Variants in DCUN1D5 observed in about 807,000 individuals in gnomAD.
DCUN1D5 encodes the protein DCN1-like protein 5.
Under a neutral mutation model 38.3 loss-of-function variants are expected in DCUN1D5, and 10 were observed. The observed-to-expected ratio is 0.26, with a 90% CI of 0.16 to 0.44. DCUN1D5 has a LOEUF of 0.44. Ranked by LOEUF, DCUN1D5 falls within the 20% of genes least tolerant of loss-of-function variation. The probability of loss-of-function intolerance (pLI) is 1.00; values close to 1 mark genes in which losing one functional copy is unlikely to be tolerated. For synonymous variants in DCUN1D5, 93 were observed against 90.9 expected, an observed-to-expected ratio of 1.02 and a Z score of -0.13; for missense variants, 148 against 275.3, an observed-to-expected ratio of 0.54 and a Z score of 3.27.
chr11:103,076,727 A>G (rs1862415807), intron 4 of DCUN1D5, among the ~76,000 whole-genome samples: 1 of 152,222 alleles, frequency 6.6e-6, no homozygotes, highest in South Asian at 2.1e-4. Context: ...GACAACCATA[A>G]AGATTAAATG....
chr11:103,091,945 G>C lies in DCUN1D5; in HGVS notation c.-73C>G. ...CCCTGTCCGCTGGAAGCCCCTCAGC[G>C]CTGGCACCCAGTTCCCAGAGACAGC... On this transcript the variant is annotated 5_prime_UTR_variant, in exon 1 of 8. Coordinates refer to ENST00000260247, the MANE Select transcript of DCUN1D5 (RefSeq NM_032299.4). This position sits in a 1 kb window ranked among gnomAD's most constrained non-coding sequence, Gnocchi z 4.3. The C allele has an allele frequency of 3.5e-6, 5 of 1,409,554 alleles. No individual in the cohort carries two copies. The highest frequency in any genetic ancestry group is 4.8e-6 in the Non-Finnish European group (5 of 1,032,530). The allele number at this position is 1,409,554 out of a possible 1,614,324, so 87.3% of individuals were successfully genotyped here.
In DCUN1D5 at chr11:103,059,636, A is replaced by G. The variant is rs920257895; in HGVS notation, c.*2723T>C. 6.6e-6 allele frequency among the ~76,000 whole-genome samples: 1 copy of G among 152,158 alleles called. No individual in the cohort carries two copies. Among genetic ancestry groups the G allele is most frequent in the East Asian group, 1.9e-4 (1 of 5,184 alleles). On this transcript the variant is annotated 3_prime_UTR_variant, in exon 8 of 8. Transcript: ENST00000260247. Reference sequence around the variant, plus strand: ...CAATAGAAGACAAACATGGTAATGCAGTCAGGCCAGCACACAATACACCGT... The same window carrying G: ...CAATAGAAGACAAACATGGTAATGCGGTCAGGCCAGCACACAATACACCGT...
intron 4 of DCUN1D5, chr11:103,080,073 AAT>A (rs1375319813): frequency 1.3e-4 from 20 of 152,336 alleles, no homozygotes; most frequent in African/African-American, 4.8e-4. Context: ...ATAGATGACT[AAT>A]CATGATTATT....
chr11:103,089,345 T>C, intron 1 of DCUN1D5, 27 bp from the exon 2 acceptor site: 1 of 1,559,668 alleles, frequency 6.4e-7, no homozygotes, highest in East Asian at 2.3e-5. Flanking sequence ...ACGCCTAAGA[T>C]TTTTATCACA....
rs1862053838 is a variant in DCUN1D5, at chr11:103,063,134, G to A, written c.659-720C>T. On this transcript the variant is annotated intron_variant, in intron 7 of 7. Coordinates refer to ENST00000260247, the MANE Select transcript of DCUN1D5 (RefSeq NM_032299.4). The surrounding 1 kb of genome is among the most constrained non-coding windows in gnomAD (Gnocchi z 4.6). ...TCTCTATCGTAAGAAAAGCAGCAGAGCACATATGATAATAAATGGCAACTG... is the reference window on the plus strand; with the variant it reads ...TCTCTATCGTAAGAAAAGCAGCAGAACACATATGATAATAAATGGCAACTG... 6.6e-6 allele frequency among the ~76,000 whole-genome samples: 1 copy of A among 152,052 alleles called. No individual in the cohort carries two copies. Among genetic ancestry groups the A allele is most frequent in the Admixed American group, 6.6e-5 (1 of 15,266 alleles).
chr11:103,082,442 T>A (rs537358314), intron 4 of DCUN1D5, among the ~76,000 whole-genome samples: 1 of 152,150 alleles, frequency 6.6e-6, no homozygotes, highest in Admixed American at 6.5e-5. Context: ...GAGAGGAAAA[T>A]CCTTATACTC....
Position 103,054,289 on chromosome 11 carries a change from T to C in DCUN1D5, c.*8070A>G, listed in dbSNP as rs968614273. 6.6e-6 allele frequency: 1 copy of C among 152,154 alleles called. No homozygotes were observed. Among genetic ancestry groups the C allele is most frequent in the African/African-American group, 2.4e-5 (1 of 41,444 alleles). 9.4% of individuals were successfully genotyped at this position (152,154 alleles called of 1,614,324 possible). A position where few individuals can be genotyped will look rare whatever the true frequency, so the allele number is the denominator to read the frequency against. ...GGGAGCAAAGATAGAAGGTTAGAATTGTCTCCATAATCTTTAGACGTGTTA... is the reference window on the plus strand; with the variant it reads ...GGGAGCAAAGATAGAAGGTTAGAATCGTCTCCATAATCTTTAGACGTGTTA... On this transcript the variant is annotated 3_prime_UTR_variant, in exon 8 of 8. Transcript: ENST00000260247.
rs747106135 is a variant in DCUN1D5, at chr11:103,091,887, G to A, written c.-15C>T. 2 of 1,608,520 alleles carry A rather than the reference G, an allele frequency of 1.2e-6. No homozygotes were observed. Among genetic ancestry groups the A allele is most frequent in the Non-Finnish European group, 8.5e-7 (1 of 1,176,988 alleles). The stretch of plus-strand genomic sequence containing the variant: ...TTCACCGGCATCTTCCGCCCTCCCC[G>A]GCAGGGTGGGCAGGGGAGCCGGGGA... On this transcript the variant is annotated 5_prime_UTR_variant, in exon 1 of 8. Coordinates refer to ENST00000260247, the MANE Select transcript of DCUN1D5 (RefSeq NM_032299.4). The surrounding 1 kb of genome is among the most constrained non-coding windows in gnomAD (Gnocchi z 4.3).
At chr11:103,074,432 T>C (rs1383948192) in intron 4 of DCUN1D5, among the ~76,000 whole-genome samples, 1 of 152,156 alleles carries the variant, frequency 6.6e-6, no homozygotes, top group Non-Finnish European at 1.5e-5. Flanking sequence ...TGTTTTGAGA[T>C]TGAGTCTCGC....
At chr11:103,070,424 T>C (rs1409260645) in intron 4 of DCUN1D5, among the ~76,000 whole-genome samples, 2 of 152,084 alleles carry the variant, frequency 1.3e-5, no homozygotes, top group African/African-American at 4.8e-5. Flanking sequence ...GATATTAAAA[T>C]AGAGCAACTT....
In DCUN1D5 at chr11:103,089,318, G is replaced by A. The variant is rs1302725617; in HGVS notation, c.87C>T (p.Ser29=). Residue 29 remains serine, a splice_region_variant and synonymous_variant, in exon 2 of 8, where the codon AGC becomes AGT. Transcript: ENST00000260247. ...DGGLKKCKIS[S]YCRSQPPARL... is the part of the protein sequence containing the mutation. The stretch of plus-strand genomic sequence containing the variant: ...TAGCAGGGGGTTGGGATCTGCAATA[G>A]CTTAGAAAACACACAGACGCCTAAG... 6.2e-7 allele frequency: 1 copy of A among 1,600,388 alleles called. No homozygotes were observed. The highest frequency in any genetic ancestry group is 1.7e-5 in the Admixed American group (1 of 59,554).
At chr11:103,068,133 C>T (rs1334964900) in intron 4 of DCUN1D5, among the ~76,000 whole-genome samples, 2 of 152,060 alleles carry the variant, frequency 1.3e-5, no homozygotes, top group Non-Finnish European at 2.9e-5. Context: ...AAATTTATAA[C>T]ATTTTCTAAT....
At chr11:103,072,910 T>A (rs1862316744) in intron 4 of DCUN1D5, among the ~76,000 whole-genome samples, 1 of 151,882 alleles carries the variant, frequency 6.6e-6, no homozygotes, top group African/African-American at 2.4e-5. Flanking sequence ...AGTATAATAA[T>A]AAAAGAAATA....
chr11:103,080,379 TCTTC>T (rs1349536089), intron 4 of DCUN1D5, among the ~76,000 whole-genome samples: 1 of 152,240 alleles, frequency 6.6e-6, no homozygotes, highest in Non-Finnish European at 1.5e-5. Context: ...AGATTTTTTG[TCTTC>T]CTTGGTTTAA....
chr11:103,088,226 C>T (rs1219929424), intron 2 of DCUN1D5, among the ~76,000 whole-genome samples: 1 of 151,494 alleles, frequency 6.6e-6, no homozygotes, highest in Admixed American at 6.6e-5. Flanking sequence ...TGTGGATGAG[C>T]ACTAAATATA....
intron 1 of DCUN1D5, among the ~76,000 whole-genome samples, 160 bp from the exon 2 acceptor site, chr11:103,089,478 T>C (rs1862799027): frequency 6.6e-6 from 1 of 152,184 alleles, no homozygotes; most frequent in Admixed American, 6.5e-5. Flanking sequence ...TAATTGCAAC[T>C]TGAAACAGTA....
At chr11:103,075,371 A>C (rs1862382180) in intron 4 of DCUN1D5, among the ~76,000 whole-genome samples, 1 of 152,034 alleles carries the variant, frequency 6.6e-6, no homozygotes, top group Non-Finnish European at 1.5e-5. Flanking sequence ...GGCAAGTCCA[A>C]GTGTACTTTT....
At chr11:103,090,980 C>A (rs1862847890) in intron 1 of DCUN1D5, among the ~76,000 whole-genome samples, 1 of 152,110 alleles carries the variant, frequency 6.6e-6, no homozygotes, top group South Asian at 2.1e-4. Context: ...TTTTTTGTAG[C>A]ATAAATTTTG....
At chr11:103,074,329 C>T (rs1463080164) in intron 4 of DCUN1D5, among the ~76,000 whole-genome samples, 2 of 152,176 alleles carry the variant, frequency 1.3e-5, no homozygotes, top group Non-Finnish European at 2.9e-5. Context: ...CCTCTCTGCA[C>T]TAATCTCCTT....
Sources: gnomAD v4.1 joint callset for allele counts (sites outside exome capture counted in the v4.1 genomes callset) on GRCh38, gnomAD v4.1.1 for gene constraint, Gnocchi (gnomAD v3.1) non-coding constraint, MANE v1.5 for transcripts, NCBI Gene and HGNC (gene_info 2026-07-23, HGNC 2026-07-21) for gene names.